EPHX1: variants seen among roughly 807,000 people sequenced by gnomAD.
The protein encoded by EPHX1 is epoxide hydratase.
A neutral mutation model predicts 43.2 loss-of-function variants in EPHX1; 40 were observed. The observed-to-expected ratio is 0.93, with a 90% CI of 0.72 to 1.21. The LOEUF is 1.21. EPHX1 is among the 50% of genes most tolerant of loss of function. The pLI, the probability that EPHX1 is intolerant of heterozygous loss-of-function variation, is 0.00. For synonymous variants in EPHX1, 221 were observed against 226.7 expected (o/e 0.98, Z 0.22); for missense variants, 550 against 570.4 (o/e 0.96, Z 0.36).
intron 1 of EPHX1, among the ~76,000 whole-genome samples, chr1:225,819,226 C>CAAAAAAAAAAAA (rs1302566204): frequency 4.4e-4 from 2 of 4,502 alleles, no homozygotes; most frequent in African/African-American, 1.6e-3. Context: ...GACTCCGTCT[C>CAAAAAAAAAAAA]AAAAAAAAAA....
chr1:225,818,070 A>AG (rs1666807273), intron 1 of EPHX1, among the ~76,000 whole-genome samples: 1 of 152,148 alleles, frequency 6.6e-6, no homozygotes, highest in Non-Finnish European at 1.5e-5. Flanking sequence ...CTTTGGGGTC[A>AG]GGGGGCGTTA....
intron 1 of EPHX1, among the ~76,000 whole-genome samples, chr1:225,827,120 G>A (rs534046495): frequency 6.6e-6 from 1 of 152,186 alleles, no homozygotes; most frequent in Non-Finnish European, 1.5e-5. Flanking sequence ...GGCAGCTCTT[G>A]ACAGGAGCAA....
At chr1:225,842,763 C>T (rs1576041904) in intron 7 of EPHX1, among the ~76,000 whole-genome samples, 1 of 152,236 alleles carries the variant, frequency 6.6e-6, no homozygotes, top group East Asian at 1.9e-4. Flanking sequence ...GCCCACAGGG[C>T]AGCAGGCACC....
At chr1:225,844,751 C>T (rs1018752850) in intron 8 of EPHX1, 128 bp downstream of exon 8, 35 of 1,440,066 alleles carry the variant, frequency 2.4e-5, no homozygotes, top group Non-Finnish European at 3.1e-5. Context: ...CCCCAGGGGC[C>T]CTTGGATGGG....
At chr1:225,839,478 C>T (rs1397115844) in intron 5 of EPHX1, 132 bp downstream of exon 5, 17 of 1,501,934 alleles carry the variant, frequency 1.1e-5, no homozygotes, top group Non-Finnish European at 1.3e-5. Flanking sequence ...ACCTGTCACT[C>T]AGCAGTGCCT....
intron 2 of EPHX1, among the ~76,000 whole-genome samples, chr1:225,831,303 C>T (rs936494916): frequency 5.9e-5 from 9 of 152,238 alleles, no homozygotes; most frequent in Non-Finnish European, 1.3e-4. Flanking sequence ...AATCCCACCA[C>T]TTTGGGAGGC....
At chr1:225,839,041 G>A (rs982313011) in intron 4 of EPHX1, among the ~76,000 whole-genome samples, 160 bp downstream of exon 4, 27 of 152,180 alleles carry the variant, frequency 1.8e-4, no homozygotes, top group Non-Finnish European at 3.1e-4. Context: ...ACCGCCCTCC[G>A]GGGCTGGAGA....
chr1:225,830,621 T>C (rs190273232), intron 2 of EPHX1, among the ~76,000 whole-genome samples: 3 of 152,242 alleles, frequency 2.0e-5, no homozygotes, highest in African/African-American at 7.2e-5. Flanking sequence ...CCTGTCACCA[T>C]GCCTGGCTAA....
intron 3 of EPHX1, among the ~76,000 whole-genome samples, chr1:225,834,013 G>C (rs13374764): frequency 0.4 from 58,765 of 146,444 alleles, 12,089 homozygotes; most frequent in East Asian, 0.51. Flanking sequence ...CAGAAGAATA[G>C]CGTGAACCCG....
chr1:225,813,531 A>G (rs1299662808), intron 1 of EPHX1, among the ~76,000 whole-genome samples: 2 of 152,242 alleles, frequency 1.3e-5, no homozygotes, highest in African/African-American at 4.8e-5. Flanking sequence ...AACAAGGAGA[A>G]AACTGCGCAA....
At position 225,839,910 on chromosome 1, in the gene EPHX1, C is replaced by T. The variant is rs369274884; in HGVS notation, c.804C>T (p.Phe268=). The change falls in exon 6 of 9, where the codon TTC becomes TTT. Residue 268 remains phenylalanine, a synonymous_variant. Coordinates refer to ENST00000272167, the MANE Select transcript of EPHX1 (RefSeq NM_001136018.4). ...TGACCCTCCTCCTGGGACAGCGTTT[C>T]GGGAGGTTTCTTGGCCTCACTGAGA... ...STLTLLLGQR[F]GRFLGLTERD... 34 of 1,614,096 alleles carry T rather than the reference C, an allele frequency of 2.1e-5. No individual in the cohort carries two copies. The highest frequency in any genetic ancestry group is 2.9e-5 in the Non-Finnish European group (34 of 1,180,046).
intron 3 of EPHX1, among the ~76,000 whole-genome samples, chr1:225,834,525 A>G (rs1658472028): frequency 6.7e-6 from 1 of 150,256 alleles, no homozygotes; most frequent in African/African-American, 2.4e-5. Flanking sequence ...GAGAAAAGCT[A>G]AGTCAAATCC....
chr1:225,836,391 T>G (rs957305405), intron 3 of EPHX1, among the ~76,000 whole-genome samples: 1 of 152,124 alleles, frequency 6.6e-6, no homozygotes, highest in African/African-American at 2.4e-5. Context: ...CCCAGTAGTT[T>G]GAGACCAGCC....
In EPHX1 at chr1:225,828,912, C is replaced by T. The variant is rs374642223; in HGVS notation, c.183C>T (p.His61=). The T allele has an allele frequency of 5.1e-6, 8 of 1,566,752 alleles. No homozygotes were observed. The highest frequency in any genetic ancestry group is 1.9e-5 in the Admixed American group (1 of 53,080). Reference sequence around the variant, plus strand: ...TGGAAACGTCAGATGAGGAGATCCACGTAAGGCACCTTGGGCCGGGCCGGG... The same window carrying T: ...TGGAAACGTCAGATGAGGAGATCCATGTAAGGCACCTTGGGCCGGGCCGGG... ...FKVETSDEEI[H]DLHQRIDKFR... Residue 61 remains histidine (H), a splice_region_variant and synonymous_variant, in exon 2 of 9, where the codon CAC becomes CAT. Coordinates refer to ENST00000272167, the MANE Select transcript of EPHX1 (RefSeq NM_001136018.4).
At chr1:225,843,134 G>A (rs1007695564) in intron 7 of EPHX1, among the ~76,000 whole-genome samples, 10 of 152,198 alleles carry the variant, frequency 6.6e-5, no homozygotes, top group Middle Eastern at 3.2e-3. Flanking sequence ...GAACAATGCC[G>A]GGTGAACAGT....
chr1:225,845,031 G>A, intron 8 of EPHX1, 115 bp from the exon 9 acceptor site: 6 of 1,121,388 alleles, frequency 5.4e-6, no homozygotes, highest in Non-Finnish European at 8.0e-6. Context: ...TTTCTTTATG[G>A]CTCCTTGTGG....
At chr1:225,811,128 T>C (rs905713989) in intron 1 of EPHX1, among the ~76,000 whole-genome samples, 1 of 152,152 alleles carries the variant, frequency 6.6e-6, no homozygotes, top group African/African-American at 2.4e-5. Context: ...CACCTTGTAG[T>C]TGAAGCCAGG....
chr1:225,829,555 A>G (rs1290736705), intron 2 of EPHX1, among the ~76,000 whole-genome samples: 1 of 151,922 alleles, frequency 6.6e-6, no homozygotes, highest in Non-Finnish European at 1.5e-5. Context: ...AGGTGGGGTG[A>G]ACTGAGAATG....
At chr1:225,810,285 G>A (rs1666411141) in intron 1 of EPHX1, 116 bp downstream of exon 1, 1 of 151,730 alleles carries the variant, frequency 6.6e-6, no homozygotes, top group Admixed American at 6.6e-5. Flanking sequence ...GGTCGGGGCT[G>A]CGGTCGGCCC....
Sources: gnomAD v4.1 joint callset for allele counts (sites outside exome capture counted in the v4.1 genomes callset) on GRCh38, gnomAD v4.1.1 for gene constraint, MANE v1.5 for transcripts, NCBI Gene and HGNC (gene_info 2026-07-23, HGNC 2026-07-21) for gene names.